KCNH5: variants seen among roughly 807,000 people sequenced by gnomAD.
The protein encoded by KCNH5 is voltage-gated delayed rectifier potassium channel KCNH5.
A neutral mutation model predicts 96.1 loss-of-function variants in KCNH5; 46 were observed. The observed-to-expected ratio is 0.48, with a 90% CI of 0.38 to 0.61. The LOEUF (loss-of-function observed/expected upper bound fraction) is 0.61. Among genes scored for constraint, KCNH5 ranks in the 20% least tolerant of loss-of-function variants. KCNH5 has a pLI of 0.00. For synonymous variants in KCNH5, 439 were observed against 449.8 expected, an observed-to-expected ratio of 0.98 and a Z score of 0.30; for missense variants, 907 against 1,225.8, an observed-to-expected ratio of 0.74 and a Z score of 3.88.
At chr14:62,920,088 C>G (rs1038183696) in intron 7 of KCNH5, among the ~76,000 whole-genome samples, 2 of 152,104 alleles carry the variant, frequency 1.3e-5, no homozygotes, top group Non-Finnish European at 2.9e-5. Context: ...AGTTGGCAGT[C>G]TTTCTGATCA....
intron 7 of KCNH5, among the ~76,000 whole-genome samples, chr14:62,909,030 G>GTTTTTT (rs1566703759): frequency 5.8e-4 from 58 of 100,778 alleles, no homozygotes; most frequent in African/African-American, 2.2e-3. Context: ...ACTATGCTAC[G>GTTTTTT]TATTTTTTTT....
At chr14:62,712,279 C>A in intron 10 of KCNH5, 1 of 176,142 alleles carries the variant, frequency 5.7e-6, no homozygotes, top group South Asian at 1.6e-4. Context: ...TTTTATTTTA[C>A]TTTTGACTAT....
chr14:62,726,655 G>A (rs1884932314), intron 10 of KCNH5, among the ~76,000 whole-genome samples: 1 of 151,988 alleles, frequency 6.6e-6, no homozygotes, highest in Non-Finnish European at 1.5e-5. Flanking sequence ...TCTTATGGGG[G>A]AATGCAAATT....
Position 62,861,331 on chromosome 14 carries a change from G to A in KCNH5, c.1370-11479C>T, listed in dbSNP as rs901996518. Among the ~76,000 whole-genome samples, 16 of 151,142 alleles carry A rather than the reference G, an allele frequency of 1.1e-4. No individual in the cohort carries two copies. In the East Asian group the frequency reaches 2.7e-3, roughly 26 times the overall value. On this transcript the variant is annotated intron_variant, in intron 7 of 10. Transcript: ENST00000322893. ...GTCACCCAGGCTGGAGTGCAGTGACGTAATCACAGCTCACTGCAGCCTTGA... is the reference window on the plus strand; with the variant it reads ...GTCACCCAGGCTGGAGTGCAGTGACATAATCACAGCTCACTGCAGCCTTGA...
intron 7 of KCNH5, among the ~76,000 whole-genome samples, chr14:62,883,701 CTT>C (rs1206152909): frequency 6.6e-6 from 1 of 151,958 alleles, no homozygotes; most frequent in Non-Finnish European, 1.5e-5. Flanking sequence ...TGGAGGGAGA[CTT>C]TTACTTTTCA....
intron 9 of KCNH5, among the ~76,000 whole-genome samples, chr14:62,800,460 C>G (rs1886638421): frequency 6.6e-6 from 1 of 152,078 alleles, no homozygotes; most frequent in African/African-American, 2.4e-5. Context: ...GCACTGTACC[C>G]AGGACTTTCT....
Position 62,815,315 on chromosome 14 carries a change from A to C in KCNH5, c.1570-12734T>G, listed in dbSNP as rs530211458. ...AATTCCTGAAGAAGACATGGGATAT[A>C]GACTTCTGGGGTTCTGATAATAAGG... On this transcript the variant is annotated intron_variant, in intron 8 of 10. Coordinates refer to ENST00000322893, the MANE Select transcript of KCNH5 (RefSeq NM_139318.5). Among the ~76,000 whole-genome samples the C allele has an allele frequency of 3.9e-5, 6 of 152,284 alleles. No homozygotes were observed. In the East Asian group the frequency reaches 7.7e-4, roughly 20 times the overall value.
chr14:62,917,731 C>G (rs1204292198), intron 7 of KCNH5, among the ~76,000 whole-genome samples: 2 of 152,156 alleles, frequency 1.3e-5, no homozygotes, highest in Non-Finnish European at 2.9e-5. Flanking sequence ...ACTACTTGGA[C>G]ATCATCCTCT....
At chr14:62,913,731 T>G (rs1889217472) in intron 7 of KCNH5, among the ~76,000 whole-genome samples, 1 of 152,158 alleles carries the variant, frequency 6.6e-6, no homozygotes, top group Non-Finnish European at 1.5e-5. Context: ...GAAGAAGCAT[T>G]GTTTCTTAAT....
chr14:62,724,005 C>A (rs918413328), intron 10 of KCNH5, among the ~76,000 whole-genome samples: 1 of 152,112 alleles, frequency 6.6e-6, no homozygotes, highest in Non-Finnish European at 1.5e-5. Flanking sequence ...CTTTGCCCTG[C>A]CTATTTGGAT....
chr14:62,805,326 C>T (rs1595630529), intron 8 of KCNH5, among the ~76,000 whole-genome samples: 1 of 152,050 alleles, frequency 6.6e-6, no homozygotes, highest in African/African-American at 2.4e-5. Context: ...TATGAGTACA[C>T]CTTTCCTTTT....
At chr14:62,741,422 A>G (rs934870340) in intron 10 of KCNH5, among the ~76,000 whole-genome samples, 2 of 152,144 alleles carry the variant, frequency 1.3e-5, no homozygotes, top group Non-Finnish European at 2.9e-5. Flanking sequence ...CTAGTAGCAC[A>G]CTTTTAATAA....
intron 10 of KCNH5, among the ~76,000 whole-genome samples, chr14:62,740,897 G>A (rs1885258465): frequency 6.6e-6 from 1 of 152,138 alleles, no homozygotes; most frequent in African/African-American, 2.4e-5. Context: ...CTCATTGGAA[G>A]CTTCTAACAG....
At chr14:63,024,079 C>A (rs1378557817) in intron 1 of KCNH5, among the ~76,000 whole-genome samples, 2 of 151,926 alleles carry the variant, frequency 1.3e-5, no homozygotes, top group Non-Finnish European at 2.9e-5. Context: ...CATGGTGGCA[C>A]ACGCCTGTAG....
At chr14:62,985,862 C>T (rs543525276) in intron 5 of KCNH5, among the ~76,000 whole-genome samples, 5 of 152,128 alleles carry the variant, frequency 3.3e-5, no homozygotes, top group Non-Finnish European at 7.3e-5. Context: ...TTTGTATGCC[C>T]CAAACTGAAC....
intron 7 of KCNH5, among the ~76,000 whole-genome samples, chr14:62,931,119 C>G (rs902822406): frequency 6.6e-6 from 1 of 152,016 alleles, no homozygotes; most frequent in Admixed American, 6.6e-5. Flanking sequence ...TTGTATATAA[C>G]AGCAGAGGAC....
chr14:62,832,423 T>A (rs1887372426), intron 8 of KCNH5, among the ~76,000 whole-genome samples: 1 of 152,190 alleles, frequency 6.6e-6, no homozygotes, highest in South Asian at 2.1e-4. Flanking sequence ...ATCTTTTTGA[T>A]CATCTATGGC....
At chr14:62,729,953 T>C (rs1367114248) in intron 10 of KCNH5, among the ~76,000 whole-genome samples, 2 of 152,178 alleles carry the variant, frequency 1.3e-5, no homozygotes, top group Non-Finnish European at 2.9e-5. Flanking sequence ...TTTGAATTGT[T>C]ATATAAATAA....
chr14:62,723,965 T>C (rs1884869736), intron 10 of KCNH5, among the ~76,000 whole-genome samples: 1 of 152,180 alleles, frequency 6.6e-6, no homozygotes, highest in Non-Finnish European at 1.5e-5. Context: ...TTTCTAACTT[T>C]CCATAGAAGA....
Sources: gnomAD v4.1 joint callset for allele counts (sites outside exome capture counted in the v4.1 genomes callset) on GRCh38, gnomAD v4.1.1 for gene constraint, MANE v1.5 for transcripts, NCBI Gene and HGNC (gene_info 2026-07-23, HGNC 2026-07-21) for gene names.